Variants in FIGN observed in about 807,000 individuals in gnomAD.
FIGN encodes the protein fidgetin, microtubule severing factor, also known as fidgetin.
A neutral mutation model predicts 51.3 loss-of-function variants in FIGN; 11 were observed. The ratio of observed to expected loss-of-function variants is 0.21; its 90% CI spans 0.13 to 0.35. FIGN has a LOEUF of 0.35. FIGN is among the 10% of genes least tolerant of loss of function. The pLI, the probability that FIGN is intolerant of heterozygous loss-of-function variation, is 1.00. For synonymous variants in FIGN, 407 were observed against 363.2 expected (o/e 1.12, Z -1.37); for missense variants, 857 against 943.6 (o/e 0.91, Z 1.20).
At chr2:163,611,894 T>C in intron 2 of FIGN, 88 bp from the exon 3 acceptor site, 1 of 1,039,616 alleles carries the variant, frequency 9.6e-7, no homozygotes, top group South Asian at 1.7e-5. Flanking sequence ...TTGTTACCTA[T>C]TATTTTCCAT....
chr2:163,710,769 C>A (rs980734415), intron 2 of FIGN, among the ~76,000 whole-genome samples: 1 of 152,066 alleles, frequency 6.6e-6, no homozygotes, highest in Non-Finnish European at 1.5e-5. Context: ...TAGAAACCAG[C>A]ATGAGATGAA....
chr2:163,676,780 A>G (rs1683977555), intron 2 of FIGN, among the ~76,000 whole-genome samples: 1 of 152,082 alleles, frequency 6.6e-6, no homozygotes, highest in Non-Finnish European at 1.5e-5. Flanking sequence ...CAGTACCTGA[A>G]GTCATCCTTT....
chr2:163,732,475 A>C (rs753989255), intron 2 of FIGN, among the ~76,000 whole-genome samples: 38 of 152,210 alleles, frequency 2.5e-4, no homozygotes, highest in Non-Finnish European at 3.4e-4. Context: ...TATTCTTCCA[A>C]AATAATCTTT....
At chr2:163,649,347 A>C (rs984966680) in intron 2 of FIGN, among the ~76,000 whole-genome samples, 1 of 152,212 alleles carries the variant, frequency 6.6e-6, no homozygotes, top group African/African-American at 2.4e-5. Context: ...AGCAGAAGAC[A>C]CACTAAGCCA....
chr2:163,616,929 C>A (rs775052446), intron 2 of FIGN, among the ~76,000 whole-genome samples: 4 of 152,020 alleles, frequency 2.6e-5, no homozygotes, highest in South Asian at 2.1e-4. Flanking sequence ...AGTGAAGAAC[C>A]TTCTGAAAGA....
chr2:163,612,372 C>T, intron 2 of FIGN: 1 of 985,326 alleles, frequency 1.0e-6, no homozygotes, highest in Non-Finnish European at 1.2e-6. Context: ...CAGTATAATG[C>T]TCCCTGCGCA....
chr2:163,676,765 C>A (rs376265787), intron 2 of FIGN, among the ~76,000 whole-genome samples: 2 of 152,136 alleles, frequency 1.3e-5, no homozygotes, highest in East Asian at 3.9e-4. Flanking sequence ...TGAAACATAT[C>A]TGAACAGTAC....
rs1691080468 is a variant in FIGN, at chr2:163,605,143, A to C, written c.*4409T>G. On this transcript the variant is annotated 3_prime_UTR_variant, in exon 3 of 3. Transcript: ENST00000333129. ...AGGGAGGTGAAATTTTCCTGCTTCC[A>C]GTCTAATTGTCTTTGACAATTGCAG... 6.6e-6 allele frequency: 1 copy of C among 151,916 alleles called. No individual in the cohort carries two copies. 9.4% of individuals were successfully genotyped at this position (151,916 alleles called of 1,614,324 possible).
At chr2:163,644,383 AC>A (rs2105318224) in intron 2 of FIGN, among the ~76,000 whole-genome samples, 1 of 152,326 alleles carries the variant, frequency 6.6e-6, no homozygotes, top group Admixed American at 6.5e-5. Flanking sequence ...ACAATGAAAT[AC>A]CATTTCATAC....
intron 2 of FIGN, among the ~76,000 whole-genome samples, chr2:163,637,301 T>C (rs1683241276): frequency 6.6e-6 from 1 of 152,160 alleles, no homozygotes; most frequent in Non-Finnish European, 1.5e-5. Flanking sequence ...TAAATATTCA[T>C]CTCCTAAAGA....
chr2:163,699,453 C>A (rs1684373906), intron 2 of FIGN, among the ~76,000 whole-genome samples: 1 of 151,972 alleles, frequency 6.6e-6, no homozygotes, highest in Admixed American at 6.6e-5. Context: ...AATTGTCAAG[C>A]CATATAAAAT....
At chr2:163,672,831 C>A (rs1263540806) in intron 2 of FIGN, among the ~76,000 whole-genome samples, 2 of 152,156 alleles carry the variant, frequency 1.3e-5, no homozygotes, top group African/African-American at 2.4e-5. Context: ...TGTAAAGACA[C>A]ACATGCACAC....
At chr2:163,638,046 T>G (rs1683252802) in intron 2 of FIGN, among the ~76,000 whole-genome samples, 1 of 152,106 alleles carries the variant, frequency 6.6e-6, no homozygotes, top group African/African-American at 2.4e-5. Flanking sequence ...ACCAGGGGTT[T>G]GCTCTTTTAA....
At chr2:163,621,818 A>T (rs2105305877) in intron 2 of FIGN, among the ~76,000 whole-genome samples, 1 of 152,268 alleles carries the variant, frequency 6.6e-6, no homozygotes, top group African/African-American at 2.4e-5. Flanking sequence ...GAAACAGGAG[A>T]GGATATCAGC....
intron 2 of FIGN, among the ~76,000 whole-genome samples, chr2:163,653,778 A>G (rs1573928488): frequency 1.3e-5 from 2 of 152,262 alleles, no homozygotes; most frequent in African/African-American, 2.4e-5. Context: ...AACAACAACA[A>G]CAAAATATTT....
intron 2 of FIGN, among the ~76,000 whole-genome samples, chr2:163,634,360 T>C (rs1183625969): frequency 3.3e-5 from 5 of 152,144 alleles, no homozygotes; most frequent in African/African-American, 1.2e-4. Context: ...TGAGAGTATA[T>C]TGTATATGCT....
At chr2:163,648,284 C>T (rs1683414732) in intron 2 of FIGN, among the ~76,000 whole-genome samples, 3 of 152,108 alleles carry the variant, frequency 2.0e-5, no homozygotes, top group African/African-American at 7.2e-5. Flanking sequence ...TTTGGGCCCC[C>T]ATCCCAACTC....
At position 163,610,719 on chromosome 2, in the gene FIGN, T is replaced by C. The variant is rs1407132685; in HGVS notation, c.1113A>G (p.Thr371=). ...TCGTTGGCTTAAATGCTAAGGATGA[T>C]GTTTCAGCACTTCTGTCAAAGCCAT... ...RGNGFDRSAE[T]SSLAFKPTKQ... is the part of the protein sequence containing the mutation. The change falls in exon 3 of 3, where the codon ACA becomes ACG. Residue 371 remains threonine (T), a synonymous_variant. Transcript: ENST00000333129. The C allele has an allele frequency of 3.7e-6, 6 of 1,614,216 alleles. No individual in the cohort carries two copies. Among genetic ancestry groups the C allele is most frequent in the South Asian group, 3.3e-5 (3 of 91,090 alleles).
chr2:163,630,302 G>A (rs1357042204), intron 2 of FIGN, among the ~76,000 whole-genome samples: 1 of 151,964 alleles, frequency 6.6e-6, no homozygotes, highest in Non-Finnish European at 1.5e-5. Context: ...GGGTAGGAAG[G>A]AGCTAAAGGG....
Sources: allele counts gnomAD v4.1 joint callset (sites outside exome capture counted in the v4.1 genomes callset), GRCh38; gene constraint gnomAD v4.1.1; transcripts MANE v1.5; gene names NCBI Gene and HGNC (gene_info 2026-07-23, HGNC 2026-07-21).